Variants in CREB5 observed in about 807,000 individuals in gnomAD.
The protein encoded by CREB5 is cyclic AMP-responsive element-binding protein 5.
A neutral mutation model predicts 57.1 loss-of-function variants in CREB5; 19 were observed. That is an observed-to-expected ratio of 0.33 (90% CI 0.23 to 0.49). The LOEUF (loss-of-function observed/expected upper bound fraction) is 0.49. CREB5 is among the 20% of genes least tolerant of loss of function. The pLI is 0.99. For missense variants in CREB5, 579 were observed against 671.6 expected (o/e 0.86, Z 1.52); for synonymous variants, 238 against 238.3 (o/e 1.00, Z 0.01).
At chr7:28,488,306 AC>A in intron 2 of CREB5, 60 bp downstream of exon 2, 1 of 1,493,388 alleles carries the variant, frequency 6.7e-7, no homozygotes, top group South Asian at 1.1e-5. Context: ...AAGGGAAGCA[AC>A]TCTCACCCGG....
In CREB5 at chr7:28,727,003, C is replaced by A. The variant is rs770076234; in HGVS notation, c.702+2671C>A. 2.0e-5 allele frequency among the ~76,000 whole-genome samples: 3 copies of A among 152,004 alleles called. No homozygotes were observed. In the South Asian group the frequency reaches 6.2e-4, roughly 32 times the overall value. ...TTGCCCATTAGAATGCATCTGTTTTCTTTGCCCCCAATTAGTAATTTCTAT... is the reference window on the plus strand; with the variant it reads ...TTGCCCATTAGAATGCATCTGTTTTATTTGCCCCCAATTAGTAATTTCTAT... On this transcript the variant is annotated intron_variant, in intron 7 of 10. Coordinates refer to ENST00000357727, the MANE Select transcript of CREB5 (RefSeq NM_182898.4).
At chr7:28,811,503 C>T (rs1203829185) in intron 9 of CREB5, among the ~76,000 whole-genome samples, 1 of 152,124 alleles carries the variant, frequency 6.6e-6, no homozygotes, top group Non-Finnish European at 1.5e-5. Context: ...GTTCCTCCCA[C>T]CTCAGCCTCC....
chr7:28,351,462 C>T (rs930615715), intron 1 of CREB5, among the ~76,000 whole-genome samples: 12 of 152,324 alleles, frequency 7.9e-5, no homozygotes, highest in Non-Finnish European at 1.3e-4. Flanking sequence ...GCACCAAGAT[C>T]AGACTGTCTC....
intron 1 of CREB5, among the ~76,000 whole-genome samples, chr7:28,447,672 G>C (rs1037021070): frequency 1.3e-5 from 2 of 152,094 alleles, no homozygotes; most frequent in Admixed American, 6.5e-5. Context: ...TGGTGAGGTG[G>C]TAATACAGCT....
Position 28,823,828 on chromosome 7 carries a change from C to T in CREB5, c.*4549C>T, listed in dbSNP as rs1459128174. On this transcript the variant is annotated 3_prime_UTR_variant, in exon 11 of 11. Coordinates refer to ENST00000357727, the MANE Select transcript of CREB5 (RefSeq NM_182898.4). ...GCAGTAGCTTTAAGCCATTCAAGCT[C>T]CATTATGCAGTATATCTGAGAAGGG... is the stretch of plus-strand genomic sequence containing the variant. 1 of 152,512 alleles carries T rather than the reference C, an allele frequency of 6.6e-6. No homozygotes were observed. 9.4% of individuals were successfully genotyped at this position (152,512 alleles called of 1,614,324 possible).
At chr7:28,501,475 C>G (rs1272645970) in intron 3 of CREB5, among the ~76,000 whole-genome samples, 1 of 152,174 alleles carries the variant, frequency 6.6e-6, no homozygotes, top group Non-Finnish European at 1.5e-5. Flanking sequence ...TCCCCTGAAT[C>G]CTTTGGAGGC....
intron 5 of CREB5, among the ~76,000 whole-genome samples, chr7:28,636,189 G>GCAGGATCACACAGCTATGGC (rs1411152552): frequency 3.3e-5 from 5 of 152,092 alleles, no homozygotes; most frequent in Admixed American, 1.3e-4. Flanking sequence ...AACACGAAGG[G>GCAGGATCACACAGCTATGGC]CAGGATCACA....
chr7:28,426,521 T>C (rs184520644), intron 1 of CREB5, among the ~76,000 whole-genome samples: 3 of 152,344 alleles, frequency 2.0e-5, no homozygotes, highest in African/African-American at 7.2e-5. Context: ...CTCTCTGGCA[T>C]GTTCTTCCCT....
At chr7:28,547,862 G>A (rs13228899) in intron 4 of CREB5, among the ~76,000 whole-genome samples, 1 of 152,098 alleles carries the variant, frequency 6.6e-6, no homozygotes, top group Non-Finnish European at 1.5e-5. Flanking sequence ...TTCTTATGGG[G>A]TTCCTGGAAT....
chr7:28,531,916 C>T (rs779645459), intron 4 of CREB5, among the ~76,000 whole-genome samples: 1 of 152,166 alleles, frequency 6.6e-6, no homozygotes, highest in Non-Finnish European at 1.5e-5. Flanking sequence ...GTACTCCCAG[C>T]TACTCGGGAG....
intron 1 of CREB5, among the ~76,000 whole-genome samples, chr7:28,421,839 C>T (rs1251772669): frequency 1.2e-4 from 3 of 25,648 alleles, no homozygotes; most frequent in Non-Finnish European, 2.5e-4. Flanking sequence ...TATATACACA[C>T]ACACACACTC....
intron 7 of CREB5, among the ~76,000 whole-genome samples, chr7:28,752,153 T>C (rs888565421): frequency 5.9e-5 from 9 of 152,210 alleles, no homozygotes; most frequent in African/African-American, 1.9e-4. Flanking sequence ...CTCAAGTTCC[T>C]ATCTTTCTCT....
chr7:28,588,301 TTAC>T (rs1796373066), intron 5 of CREB5, among the ~76,000 whole-genome samples: 1 of 152,238 alleles, frequency 6.6e-6, no homozygotes, highest in African/African-American at 2.4e-5. Context: ...TTCATGGTAC[TTAC>T]TACATCAGAT....
intron 4 of CREB5, 22 bp from the exon 5 acceptor site, chr7:28,570,343 C>T (rs1795645601): frequency 6.2e-7 from 1 of 1,601,450 alleles, no homozygotes; most frequent in Non-Finnish European, 8.5e-7. Flanking sequence ...CCTGACCTTT[C>T]CCCTGTGTCT....
chr7:28,737,580 TA>T (rs1562606902), intron 7 of CREB5, among the ~76,000 whole-genome samples: 8 of 34,646 alleles, frequency 2.3e-4, no homozygotes, highest in South Asian at 6.7e-4. Flanking sequence ...TATATATATA[TA>T]TATATATTTT....
chr7:28,343,421 C>T (rs541268498), intron 1 of CREB5, among the ~76,000 whole-genome samples: 2 of 152,304 alleles, frequency 1.3e-5, no homozygotes, highest in East Asian at 3.9e-4. Context: ...TTTTTAGATT[C>T]CACATATGAG....
rs1485231469 is a variant in CREB5 at position 28,534,990 on chromosome 7, A to C, written c.291+27253A>C. 2.8e-5 allele frequency among the ~76,000 whole-genome samples: 4 copies of C among 141,412 alleles called. 1 individual carries two copies. The highest frequency in any genetic ancestry group is 6.3e-5 in the Non-Finnish European group (4 of 63,040). The allele number at this position is 141,412 out of a possible 152,430, so 92.8% of individuals were successfully genotyped here. On this transcript the variant is annotated intron_variant, in intron 4 of 10. Coordinates refer to ENST00000357727, the MANE Select transcript of CREB5 (RefSeq NM_182898.4). ...TTTATTTATATTTAGAAATGTACTC[A>C]TCCTTGGCCATGTGTTTCTTACCTG... is the stretch of plus-strand genomic sequence containing the variant.
At chr7:28,352,948 C>T (rs1275711736) in intron 1 of CREB5, among the ~76,000 whole-genome samples, 1 of 152,214 alleles carries the variant, frequency 6.6e-6, no homozygotes, top group South Asian at 2.1e-4. Context: ...AACCACTTGG[C>T]TATGGCAAAC....
At chr7:28,380,652 T>C (rs533092838) in intron 1 of CREB5, among the ~76,000 whole-genome samples, 3 of 152,292 alleles carry the variant, frequency 2.0e-5, no homozygotes, top group African/African-American at 7.2e-5. Context: ...CCCAGACTTG[T>C]AGTGTTTGTG....
Sources: allele counts gnomAD v4.1 joint callset (sites outside exome capture counted in the v4.1 genomes callset), GRCh38; gene constraint gnomAD v4.1.1; transcripts MANE v1.5; gene names NCBI Gene and HGNC (gene_info 2026-07-23, HGNC 2026-07-21).